SPPL3: variants seen among roughly 807,000 people sequenced by gnomAD.
SPPL3 encodes signal peptide peptidase-like 3.
Under a neutral mutation model 42.4 loss-of-function variants are expected in SPPL3, and 5 were observed. The ratio of observed to expected loss-of-function variants is 0.12; its 90% confidence interval spans 0.06 to 0.25. The LOEUF is 0.25. Among genes scored for constraint, SPPL3 ranks in the 10% least tolerant of loss-of-function variants. SPPL3 has a pLI of 1.00. For missense variants in SPPL3, 235 were observed against 489.0 expected, an observed-to-expected ratio of 0.48 and a Z score of 4.90; for synonymous variants, 195 against 181.8, an observed-to-expected ratio of 1.07 and a Z score of -0.58.
chr12:120,778,981 A>T (rs957394436), intron 6 of SPPL3, among the ~76,000 whole-genome samples: 2 of 142,242 alleles, frequency 1.4e-5, no homozygotes, highest in African/African-American at 4.9e-5. Context: ...AATGTCTTCT[A>T]AAAAAAAATC....
At chr12:120,886,118 C>T (rs1873452844) in intron 1 of SPPL3, among the ~76,000 whole-genome samples, 1 of 151,074 alleles carries the variant, frequency 6.6e-6, no homozygotes, top group South Asian at 2.1e-4. Flanking sequence ...GCTGGGATTA[C>T]AGGCGTGAGC....
At chr12:120,767,226 T>A (rs1868946219) in intron 9 of SPPL3, among the ~76,000 whole-genome samples, 168 bp downstream of exon 9, 1 of 152,192 alleles carries the variant, frequency 6.6e-6, no homozygotes, top group South Asian at 2.1e-4. Context: ...AACTGGCCTA[T>A]CCAGTACACA....
At chr12:120,860,771 CTT>C (rs1167043890) in intron 1 of SPPL3, among the ~76,000 whole-genome samples, 5 of 152,120 alleles carry the variant, frequency 3.3e-5, no homozygotes, top group Non-Finnish European at 5.9e-5. Flanking sequence ...AGGCGGCAAA[CTT>C]TTTATGTAAA....
intron 1 of SPPL3, among the ~76,000 whole-genome samples, chr12:120,885,982 GTAGCTGGGATTACAGGCATGTGCCACCA>G: frequency 6.6e-6 from 1 of 150,942 alleles, no homozygotes; most frequent in Middle Eastern, 3.4e-3. Flanking sequence ...ACACTCCTGA[GTAGCTGGGATTACAGGCATGTGCCACCA>G]TGCCCAGCTA....
chr12:120,888,847 C>A (rs1873544726), intron 1 of SPPL3, among the ~76,000 whole-genome samples: 1 of 152,042 alleles, frequency 6.6e-6, no homozygotes, highest in Non-Finnish European at 1.5e-5. Flanking sequence ...CTTGCTTTGT[C>A]ACCCAGGGCG....
intron 10 of SPPL3, among the ~76,000 whole-genome samples, 155 bp downstream of exon 10, chr12:120,766,100 GCACACACA>G (rs111837123): frequency 0.033 from 2,797 of 84,106 alleles, 35 homozygotes; most frequent in South Asian, 0.11. Context: ...GCGCGCGCGC[GCACACACA>G]CACACACACA....
rs184047642 is a variant in SPPL3, at chr12:120,837,070, C to A, written c.24-26184G>T. ...GGTGACATTAAGCTACTAGGTTTTG[C>A]GGTAGTCTGTTTTACAGCAATAGAT... On this transcript the variant is annotated intron_variant, in intron 1 of 10. Transcript: ENST00000353487. Among the ~76,000 whole-genome samples, 342 of 152,018 alleles carry A rather than the reference C, an allele frequency of 2.2e-3. 1 individual carries two copies. Among genetic ancestry groups the A allele is most frequent in the Non-Finnish European group, 4.2e-3 (283 of 67,998 alleles).
chr12:120,822,438 A>G (rs1871100037), intron 1 of SPPL3, among the ~76,000 whole-genome samples: 1 of 152,242 alleles, frequency 6.6e-6, no homozygotes, highest in Non-Finnish European at 1.5e-5. Flanking sequence ...TCTTAAAAGC[A>G]TCCCTACAAT....
intron 1 of SPPL3, among the ~76,000 whole-genome samples, chr12:120,878,956 A>G (rs1243008985): frequency 6.6e-6 from 1 of 151,742 alleles, no homozygotes; most frequent in African/African-American, 2.4e-5. Flanking sequence ...TCTACATAAA[A>G]TACAAAATTA....
chr12:120,767,407 G>T lies in SPPL3; in HGVS notation c.960C>A (p.Ile320=), dbSNP rs761385500. Residue 320 remains isoleucine (I), a synonymous_variant, in exon 9 of 11, where the codon ATC becomes ATA. Coordinates refer to ENST00000353487, the MANE Select transcript of SPPL3 (RefSeq NM_139015.5). ...TGGTTCTCTTACCTACAAAGTATCC[G>T]ATGAGGGTGCAGTGAAAGTAGGAGA... ...QKVSYFHCTL[I]GYFVGLLTAT... 1 of 1,612,824 alleles carries T rather than the reference G, an allele frequency of 6.2e-7. No individual in the cohort carries two copies.
chr12:120,779,911 T>C (rs1207893788), intron 6 of SPPL3, among the ~76,000 whole-genome samples: 1 of 143,760 alleles, frequency 7.0e-6, no homozygotes, highest in Non-Finnish European at 1.5e-5. Context: ...GGCAGGAGAA[T>C]CACTTGAACC....
At chr12:120,846,551 G>A (rs1176101844) in intron 1 of SPPL3, among the ~76,000 whole-genome samples, 2 of 152,190 alleles carry the variant, frequency 1.3e-5, no homozygotes, top group Non-Finnish European at 2.9e-5. Flanking sequence ...AAGCTATGGA[G>A]AGTAAAACAG....
At chr12:120,864,976 C>T (rs1387754591) in intron 1 of SPPL3, among the ~76,000 whole-genome samples, 2 of 152,134 alleles carry the variant, frequency 1.3e-5, no homozygotes, top group Non-Finnish European at 2.9e-5. Flanking sequence ...CCTTGATTCA[C>T]GCTTAGGCAC....
intron 10 of SPPL3, among the ~76,000 whole-genome samples, chr12:120,765,742 G>A (rs1307923986): frequency 2.0e-5 from 3 of 151,914 alleles, no homozygotes; most frequent in East Asian, 1.9e-4. Flanking sequence ...ACTCTCTAGA[G>A]GTAGTGAGTC....
chr12:120,859,749 G>T (rs939286538), intron 1 of SPPL3, among the ~76,000 whole-genome samples: 19 of 152,044 alleles, frequency 1.2e-4, no homozygotes. Context: ...TTCGAAGCCA[G>T]CCTGGCCAAC....
intron 2 of SPPL3, among the ~76,000 whole-genome samples, chr12:120,795,599 T>C (rs1412709415): frequency 6.6e-6 from 1 of 152,208 alleles, no homozygotes; most frequent in East Asian, 1.9e-4. Flanking sequence ...TCATCTTTTC[T>C]CCTCTGTACC....
chr12:120,876,616 C>CAAAAAAAAAAAA (rs71076676), intron 1 of SPPL3, among the ~76,000 whole-genome samples: 29 of 51,180 alleles, frequency 5.7e-4, no homozygotes, highest in East Asian at 2.1e-3. Context: ...GACTCTGTCT[C>CAAAAAAAAAAAA]AAAAAAAAAA....
intron 1 of SPPL3, among the ~76,000 whole-genome samples, chr12:120,897,592 G>A (rs191038116): frequency 1.1e-4 from 16 of 152,176 alleles, no homozygotes; most frequent in African/African-American, 3.9e-4. Flanking sequence ...GCGTGGTGGC[G>A]GGTGCCTGTA....
At chr12:120,852,336 TTATATATA>T (rs1872256537) in intron 1 of SPPL3, among the ~76,000 whole-genome samples, 1 of 146,178 alleles carries the variant, frequency 6.8e-6, no homozygotes, top group Non-Finnish European at 1.5e-5. Context: ...ATATATTAAT[TTATATATA>T]CATATTTTAC....
Sources: gnomAD v4.1 joint callset for allele counts (sites outside exome capture counted in the v4.1 genomes callset) on GRCh38, gnomAD v4.1.1 for gene constraint, MANE v1.5 for transcripts, NCBI Gene and HGNC (gene_info 2026-07-23, HGNC 2026-07-21) for gene names.